Variants in CLCN4 observed in about 807,000 individuals in gnomAD.
CLCN4 encodes the protein H(+)/Cl(-) exchange transporter 4.
CLCN4 carries 1 observed loss-of-function variant against 41.7 expected under a neutral mutation model. The observed-to-expected ratio is 0.02, with a 90% CI of 0.01 to 0.11. CLCN4 has a LOEUF of 0.11. CLCN4 is among the 10% of genes least tolerant of loss of function. CLCN4 has a pLI of 1.00. For synonymous variants in CLCN4, 277 were observed against 285.8 expected (o/e 0.97, Z 0.31); for missense variants, 287 against 661.0 (o/e 0.43, Z 6.20).
chrX:10,228,607 C>G (rs16986016), intron 12 of CLCN4, among the ~76,000 whole-genome samples: 24,957 of 110,740 alleles, frequency 0.23, 2,237 homozygotes, highest in African/African-American at 0.32. Context: ...TAACGGGATT[C>G]CTGTGTCCCA....
chrX:10,206,219 T>C (rs765958242), intron 6 of CLCN4, 139 bp from the exon 7 acceptor site: 3 of 465,183 alleles, frequency 6.4e-6, no homozygotes, highest in Non-Finnish European at 1.1e-5. Flanking sequence ...TATAGTTAAA[T>C]CAAAAATGAA....
rs779270559 is a variant in CLCN4, at chrX:10,234,921, C to T, written c.*1337C>T. ...TGTGTAAGTAAGATTATCCCACTTG[C>T]CCTTTCTCTTTAGTCTTTGTCCCTT... is the stretch of plus-strand genomic sequence containing the variant. On this transcript the variant is annotated 3_prime_UTR_variant, in exon 13 of 13. Coordinates refer to ENST00000380833, the MANE Select transcript of CLCN4 (RefSeq NM_001830.4). 3 of 112,364 alleles carry T rather than the reference C, an allele frequency of 2.7e-5. No homozygotes were observed. The highest frequency in any genetic ancestry group is 9.7e-5 in the African/African-American group (3 of 30,968). 9.3% of individuals were successfully genotyped at this position (112,364 alleles called of 1,213,427 possible).
intron 6 of CLCN4, 105 bp downstream of exon 6, chrX:10,198,166 A>G (rs1451381924): frequency 9.1e-6 from 7 of 765,120 alleles, no homozygotes; most frequent in Admixed American, 3.2e-5. Flanking sequence ...CTACTAACTC[A>G]TTAAGTTTCT....
chrX:10,222,503 C>T (rs1372620471), intron 12 of CLCN4, among the ~76,000 whole-genome samples: 1 of 111,351 alleles, frequency 9.0e-6, no homozygotes, highest in Admixed American at 9.6e-5. Flanking sequence ...CAGTTCTCAA[C>T]TGGGATGATT....
chrX:10,212,530 A>G lies in CLCN4; in HGVS notation c.1453A>G (p.Ile485Val), dbSNP rs147124557. Residue 485 changes from isoleucine to valine, a missense_variant, in exon 10 of 13, where the codon ATT becomes GTT. Physicochemically the swap from Ile to Val is conservative, Grantham distance 29. This residue lies in a region of CLCN4 where 94 missense variants were observed against 177.9 expected (regional missense o/e 0.53). Transcript: ENST00000380833. Reference protein sequence around the residue: ...VGAIAGRMVGIGVEQLAYHHH... With the variant: ...VGAIAGRMVGVGVEQLAYHHH... Reference sequence around the variant, plus strand: ...CGCGATAGCGGGCAGGATGGTGGGAATTGGCGTGGAGCAGCTGGCCTACCA... The same window carrying G: ...CGCGATAGCGGGCAGGATGGTGGGAGTTGGCGTGGAGCAGCTGGCCTACCA... 10 of 1,209,828 alleles carry G rather than the reference A, an allele frequency of 8.3e-6. No individual in the cohort carries two copies. In the African/African-American group the frequency reaches 1.8e-4, roughly 21 times the overall value.
chrX:10,189,009 C>T (rs762458467), intron 4 of CLCN4, among the ~76,000 whole-genome samples: 12 of 112,020 alleles, frequency 1.1e-4, no homozygotes, highest in Admixed American at 1.9e-4. Flanking sequence ...TGGCATTTCC[C>T]GTCATGTACT....
chrX:10,176,385 G>A lies in CLCN4; in HGVS notation c.-11-8637G>A, dbSNP rs1923533407. 3.5e-5 allele frequency among the ~76,000 whole-genome samples: 4 copies of A among 112,953 alleles called. No homozygotes were observed. In the South Asian group the frequency reaches 1.5e-3, roughly 41 times the overall value. On this transcript the variant is annotated intron_variant, in intron 2 of 12. Coordinates refer to ENST00000380833, the MANE Select transcript of CLCN4 (RefSeq NM_001830.4). ...ACATCCCTTCATTTCCATATTGTCC[G>A]TGGCTGCTCTGCTGTACAATGGCAC...
chrX:10,203,551 G>A (rs897123429), intron 6 of CLCN4, among the ~76,000 whole-genome samples: 6 of 111,880 alleles, frequency 5.4e-5, no homozygotes, highest in African/African-American at 1.9e-4. Flanking sequence ...ATGCTCAGTA[G>A]AAGGACCTGG....
intron 2 of CLCN4, among the ~76,000 whole-genome samples, chrX:10,174,146 C>T (rs1569224205): frequency 8.9e-6 from 1 of 112,260 alleles, no homozygotes. Context: ...TCCCGCCATA[C>T]ACCCTTGGTA....
intron 9 of CLCN4, among the ~76,000 whole-genome samples, chrX:10,211,943 T>A (rs1003368): frequency 9.1e-6 from 1 of 110,442 alleles, no homozygotes; most frequent in East Asian, 2.9e-4. Flanking sequence ...GGTATTCAGC[T>A]ACCACCTACT....
chrX:10,201,948 G>A (rs190022606), intron 6 of CLCN4, among the ~76,000 whole-genome samples: 53 of 110,804 alleles, frequency 4.8e-4, no homozygotes, highest in Middle Eastern at 4.7e-3. Flanking sequence ...ACTCCAGCCC[G>A]GACAACAGAG....
intron 11 of CLCN4, among the ~76,000 whole-genome samples, chrX:10,220,072 G>T (rs1924820212): frequency 9.0e-6 from 1 of 111,376 alleles, no homozygotes; most frequent in African/African-American, 3.3e-5. Flanking sequence ...AGATCCGAAG[G>T]GTTGAGGGGG....
intron 2 of CLCN4, among the ~76,000 whole-genome samples, chrX:10,182,612 G>A (rs1172072486): frequency 8.9e-6 from 1 of 112,616 alleles, no homozygotes; most frequent in African/African-American, 3.2e-5. Flanking sequence ...TTTTAGTGGA[G>A]ACGGGGTTTC....
chrX:10,218,003 A>G (rs1473773757), intron 11 of CLCN4, among the ~76,000 whole-genome samples: 1 of 111,532 alleles, frequency 9.0e-6, no homozygotes, highest in Non-Finnish European at 1.9e-5. Flanking sequence ...TCAGCCTCCC[A>G]AAGTGCTGGG....
At chrX:10,179,653 G>A (rs1923622193) in intron 2 of CLCN4, among the ~76,000 whole-genome samples, 1 of 111,402 alleles carries the variant, frequency 9.0e-6, no homozygotes. Context: ...AGAAAGCAGA[G>A]GAGTGAGCAG....
chrX:10,182,939 G>C (rs1421078018), intron 2 of CLCN4, among the ~76,000 whole-genome samples: 1 of 112,160 alleles, frequency 8.9e-6, no homozygotes, highest in Non-Finnish European at 1.9e-5. Context: ...TAGAGATGTA[G>C]TTAAATTTTA....
chrX:10,211,405 A>C (rs756670771), intron 9 of CLCN4, among the ~76,000 whole-genome samples: 2 of 111,171 alleles, frequency 1.8e-5, no homozygotes, highest in Non-Finnish European at 3.8e-5. Flanking sequence ...GCTGTCTCTG[A>C]TCTGTCATCT....
chrX:10,219,552 C>T (rs746415468), intron 11 of CLCN4, among the ~76,000 whole-genome samples: 2 of 112,601 alleles, frequency 1.8e-5, no homozygotes, highest in African/African-American at 3.2e-5. Context: ...CCAGCAGGCC[C>T]TCTGTTCCTC....
At chrX:10,200,365 G>C (rs1924209889) in intron 6 of CLCN4, among the ~76,000 whole-genome samples, 1 of 112,749 alleles carries the variant, frequency 8.9e-6, no homozygotes, top group African/African-American at 3.2e-5. Context: ...AGAGCTGACT[G>C]TATTTTATTT....
Sources: gnomAD v4.1 joint callset for allele counts (sites outside exome capture counted in the v4.1 genomes callset) on GRCh38, gnomAD v4.1.1 for gene constraint, gnomAD v4.1.1 regional missense constraint, MANE v1.5 for transcripts, NCBI Gene and HGNC (gene_info 2026-07-23, HGNC 2026-07-21) for gene names.